The following PMEPA1 variants were observed in gnomAD, a reference collection of about 807,000 sequenced individuals.
PMEPA1 encodes protein TMEPAI.
Under a neutral mutation model 23.0 loss-of-function variants are expected in PMEPA1, and 11 were observed. The observed-to-expected ratio is 0.48, with a 90% confidence interval of 0.30 to 0.79. The LOEUF is 0.79. Ranked by LOEUF, PMEPA1 falls within the 30% of genes least tolerant of loss-of-function variation. The probability of loss-of-function intolerance (pLI) is 0.06; values close to 1 mark genes in which losing one functional copy is unlikely to be tolerated. For missense variants in PMEPA1, 377 were observed against 390.9 expected (o/e 0.96, Z 0.30); for synonymous variants, 204 against 166.4 (o/e 1.23, Z -1.74).
At position 57,650,136 on chromosome 20, in the gene PMEPA1, G is replaced by A. The variant is rs1163938867; in HGVS notation, c.*1917C>T. On this transcript the variant is annotated 3_prime_UTR_variant, in exon 4 of 4. Coordinates refer to ENST00000341744, the MANE Select transcript of PMEPA1 (RefSeq NM_020182.5). ...CCCACGTCTGTCAGCTGCCACCTTCGTAAAGCACACGTTTCACATGCATGA... is the reference window on the plus strand; with the variant it reads ...CCCACGTCTGTCAGCTGCCACCTTCATAAAGCACACGTTTCACATGCATGA... The A allele has an allele frequency of 6.7e-6, 1 of 149,204 alleles. No individual in the cohort carries two copies. Among genetic ancestry groups the A allele is most frequent in the South Asian group, 2.1e-4 (1 of 4,824 alleles). 9.2% of individuals were successfully genotyped at this position (149,204 alleles called of 1,614,324 possible).
At chr20:57,696,597 A>T (rs888679114) in intron 1 of PMEPA1, among the ~76,000 whole-genome samples, 8 of 152,210 alleles carry the variant, frequency 5.3e-5, no homozygotes, top group African/African-American at 1.4e-4. Context: ...GGGTTCAAAA[A>T]GCCGCGACGT....
rs191667732 is a variant in PMEPA1 at position 57,701,035 on chromosome 20, A to T, written c.109+8439T>A. Among the ~76,000 whole-genome samples the T allele has an allele frequency of 5.4e-3, 828 of 152,078 alleles. 8 individuals are homozygous for T. The highest frequency in any genetic ancestry group is 0.019 in the African/African-American group (791 of 41,384). The stretch of plus-strand genomic sequence containing the variant: ...ACAGAGCAAGACTCCATTTCAAAAA[A>T]AAAGAAAAGAAAAGAAAAAAGAAGA... On this transcript the variant is annotated intron_variant, in intron 1 of 3. Coordinates refer to ENST00000341744, the MANE Select transcript of PMEPA1 (RefSeq NM_020182.5).
At position 57,656,240 on chromosome 20, in the gene PMEPA1, G is replaced by GTATCTC; in HGVS notation, c.265-3160_265-3155dup. ...AGCACAAGGGGCCTGGGGGAATTCG[G>GTATCTC]TATCTCCTGAGGCCATGGGAGTGGA... On this transcript the variant is annotated intron_variant, in intron 2 of 3. Coordinates refer to ENST00000341744, the MANE Select transcript of PMEPA1 (RefSeq NM_020182.5). This position sits in a 1 kb window ranked among gnomAD's most constrained non-coding sequence, Gnocchi z 4.7. 6.7e-6 allele frequency among the ~76,000 whole-genome samples: 1 copy of GTATCTC among 150,350 alleles called. No individual in the cohort carries two copies. Among genetic ancestry groups the GTATCTC allele is most frequent in the East Asian group, 2.1e-4 (1 of 4,826 alleles).
At chr20:57,668,437 G>A (rs2071523438) in intron 1 of PMEPA1, among the ~76,000 whole-genome samples, 2 of 152,220 alleles carry the variant, frequency 1.3e-5, no homozygotes, top group African/African-American at 4.8e-5. Flanking sequence ...AACTACGAAA[G>A]TTAACTTCCC....
chr20:57,690,662 C>A, intron 1 of PMEPA1: 1 of 991,726 alleles, frequency 1.0e-6, no homozygotes, highest in Non-Finnish European at 1.3e-6. Flanking sequence ...CCTGCTTGGG[C>A]TCTGTCCTGG....
rs867422192 is a variant in PMEPA1 at position 57,656,235 on chromosome 20, A to T, written c.265-3149T>A. Among the ~76,000 whole-genome samples, 1 of 150,132 alleles carries T rather than the reference A, an allele frequency of 6.7e-6. No individual in the cohort carries two copies. Among genetic ancestry groups the T allele is most frequent in the Middle Eastern group, 3.4e-3 (1 of 290 alleles). ...AGCCCAGCACAAGGGGCCTGGGGGAATTCGGTATCTCCTGAGGCCATGGGA... is the reference window on the plus strand; with the variant it reads ...AGCCCAGCACAAGGGGCCTGGGGGATTTCGGTATCTCCTGAGGCCATGGGA... On this transcript the variant is annotated intron_variant, in intron 2 of 3. Transcript: ENST00000341744. The surrounding 1 kb of genome is among the most constrained non-coding windows in gnomAD (Gnocchi z 4.7).
chr20:57,710,140 A>C, upstream of PMEPA1: 3 of 698,086 alleles, frequency 4.3e-6, no homozygotes, highest in East Asian at 5.6e-5. Flanking sequence ...GGTGACGGGA[A>C]ACGGGGCGGG....
At position 57,682,238 on chromosome 20, in the gene PMEPA1, G is replaced by T. The variant is rs749856680; in HGVS notation, c.110-22541C>A. On this transcript the variant is annotated intron_variant, in intron 1 of 3. Coordinates refer to ENST00000341744, the MANE Select transcript of PMEPA1 (RefSeq NM_020182.5). The surrounding 1 kb of genome is among the most constrained non-coding windows in gnomAD (Gnocchi z 4.4). ...ACAGCTACCTTCGATGGGAGGTGAC[G>T]GCGTAGCAAAGGCTCCCAGTGGGAA... 6.6e-6 allele frequency among the ~76,000 whole-genome samples: 1 copy of T among 152,226 alleles called. No homozygotes were observed. Among genetic ancestry groups the T allele is most frequent in the African/African-American group, 2.4e-5 (1 of 41,440 alleles).
At chr20:57,710,566 A>G (rs1353723330), upstream of PMEPA1, 2 of 1,220,778 alleles carry the variant, frequency 1.6e-6, no homozygotes, top group African/African-American at 3.1e-5. Context: ...AAGGAGGACG[A>G]CCAGGAAAGA....
chr20:57,690,532 G>T, intron 1 of PMEPA1: 2 of 1,297,226 alleles, frequency 1.5e-6, no homozygotes, highest in Non-Finnish European at 1.0e-6. Flanking sequence ...AAGCAAAAAA[G>T]AAGGATTAAT....
chr20:57,692,940 G>A (rs1335945894), intron 1 of PMEPA1, among the ~76,000 whole-genome samples: 1 of 152,222 alleles, frequency 6.6e-6, no homozygotes, highest in Non-Finnish European at 1.5e-5. Flanking sequence ...CCTGCTGTGG[G>A]TCAAGGTGTC....
intron 1 of PMEPA1, among the ~76,000 whole-genome samples, chr20:57,705,810 G>C (rs1264711332): frequency 6.6e-6 from 1 of 152,194 alleles, no homozygotes; most frequent in Non-Finnish European, 1.5e-5. Flanking sequence ...TGTCAAACCT[G>C]GGAGAGGGGT....
At position 57,704,336 on chromosome 20, in the gene PMEPA1, GC is replaced by G. The variant is rs2146714810; in HGVS notation, c.109+5137del. On this transcript the variant is annotated intron_variant, in intron 1 of 3. Transcript: ENST00000341744. This position sits in a 1 kb window ranked among gnomAD's most constrained non-coding sequence, Gnocchi z 4.6. ...AACCATGCTCCCCCAGCCTCGGGGAGCCCCTGGCACAGCATGGTACCATCCT... is the reference window on the plus strand; with the variant it reads ...AACCATGCTCCCCCAGCCTCGGGGAGCCCTGGCACAGCATGGTACCATCCT... Among the ~76,000 whole-genome samples, 1 of 152,232 alleles carries G rather than the reference GC, an allele frequency of 6.6e-6. No homozygotes were observed. The highest frequency in any genetic ancestry group is 1.9e-4 in the East Asian group (1 of 5,176).
chr20:57,696,735 C>T (rs538379040), intron 1 of PMEPA1, among the ~76,000 whole-genome samples: 4 of 152,362 alleles, frequency 2.6e-5, no homozygotes, highest in East Asian at 3.9e-4. Context: ...CTCAACTCCG[C>T]TCTGAGTCTA....
intron 1 of PMEPA1, among the ~76,000 whole-genome samples, chr20:57,664,443 G>A (rs1352972334): frequency 6.6e-6 from 1 of 152,264 alleles, no homozygotes; most frequent in African/African-American, 2.4e-5. Flanking sequence ...CCTTGGGGGA[G>A]AGAAAGGTGC....
intron 1 of PMEPA1, among the ~76,000 whole-genome samples, chr20:57,694,940 T>C (rs982533543): frequency 1.3e-5 from 2 of 152,332 alleles, no homozygotes; most frequent in East Asian, 1.9e-4. Flanking sequence ...ACAGCCACAC[T>C]GCTCTTTTCT....
intron 1 of PMEPA1, among the ~76,000 whole-genome samples, chr20:57,675,728 G>A (rs1568973671): frequency 1.3e-5 from 2 of 152,324 alleles, no homozygotes; most frequent in South Asian, 2.1e-4. Context: ...GGCAGCAAAC[G>A]TGTCCAAGGG....
chr20:57,710,713 T>G, upstream of PMEPA1: 1 of 462,336 alleles, frequency 2.2e-6, no homozygotes. Flanking sequence ...GGCCTCCGGC[T>G]GGGGGGCGCG....
Position 57,709,534 on chromosome 20 carries a change from G to A in PMEPA1, c.49C>T (p.Gln17Ter), listed in dbSNP as rs1306948336. The change falls in exon 1 of 4, where the codon CAG becomes TAG. Residue 17 changes from glutamine (Q) to a stop codon, truncating the protein, a stop_gained. Transcript: ENST00000341744. LOFTEE classifies it high-confidence loss of function. Reference sequence around the variant, plus strand: ...TTGCACGTGCAGGAGACATTGGGCTGCCCGGCGGCGGCGGCGGCGGTGCTG... The same window carrying A: ...TTGCACGTGCAGGAGACATTGGGCTACCCGGCGGCGGCGGCGGCGGTGCTG... ...VNSTAAAAAG[Q>*]PNVSCTCNCK... 7 of 1,122,574 alleles carry A rather than the reference G, an allele frequency of 6.2e-6. No homozygotes were observed. The highest frequency in any genetic ancestry group is 2.5e-5 in the South Asian group (1 of 39,684). The allele number at this position is 1,122,574 out of a possible 1,614,324, so 69.5% of individuals were successfully genotyped here.
Sources: gnomAD v4.1 joint callset for allele counts (sites outside exome capture counted in the v4.1 genomes callset) on GRCh38, gnomAD v4.1.1 for gene constraint, Gnocchi (gnomAD v3.1) non-coding constraint, MANE v1.5 for transcripts, NCBI Gene and HGNC (gene_info 2026-07-23, HGNC 2026-07-21) for gene names.